The following EYS variants were observed in gnomAD, a reference collection of about 807,000 sequenced individuals.
EYS encodes the protein EGF-like photoreceptor maintenance factor.
A neutral mutation model predicts 282.1 loss-of-function variants in EYS; 250 were observed. The observed-to-expected ratio is 0.89, with a 90% confidence interval of 0.80 to 0.98. EYS has a LOEUF of 0.98. EYS is among the 50% of genes least tolerant of loss of function. The pLI is 0.00. For synonymous variants in EYS, 1,355 were observed against 1,282.9 expected (o/e 1.06, Z -1.20); for missense variants, 4,016 against 3,709.0 (o/e 1.08, Z -2.15).
chr6:63,965,027 G>A (rs545640265), intron 35 of EYS, among the ~76,000 whole-genome samples: 5 of 152,064 alleles, frequency 3.3e-5, no homozygotes, highest in Non-Finnish European at 7.4e-5. Context: ...TACTTATATC[G>A]TTCTTTGATT....
At chr6:65,459,617 A>G (rs941966673) in intron 5 of EYS, among the ~76,000 whole-genome samples, 3 of 150,680 alleles carry the variant, frequency 2.0e-5, no homozygotes, top group African/African-American at 7.2e-5. Flanking sequence ...TGCTAAGGCA[A>G]GAAGTGCCTG....
intron 12 of EYS, among the ~76,000 whole-genome samples, chr6:65,129,371 G>C (rs1428590769): frequency 1.3e-5 from 2 of 151,824 alleles, no homozygotes; most frequent in African/African-American, 4.8e-5. Context: ...ATTCTCAATA[G>C]AATAAATAGA....
rs202002815 is a variant in EYS at position 63,905,844 on chromosome 6, CAGTT to C, written c.7056-41490_7056-41487del. Reference sequence around the variant, plus strand: ...ATTCTGCTCAGAAATAATTTTGTGTCAGTTGTCTCTCCTACTCCTATCCCCGTTA... The same window carrying C: ...ATTCTGCTCAGAAATAATTTTGTGTCGTCTCTCCTACTCCTATCCCCGTTA... On this transcript the variant is annotated intron_variant, in intron 35 of 42. Coordinates refer to ENST00000503581, the MANE Select transcript of EYS (RefSeq NM_001142800.2). 5.3e-4 allele frequency among the ~76,000 whole-genome samples: 81 copies of C among 152,252 alleles called. No individual in the cohort carries two copies. In the East Asian group the frequency reaches 0.015, roughly 28 times the overall value.
At chr6:64,431,623 T>C (rs1308074084) in intron 28 of EYS, among the ~76,000 whole-genome samples, 1 of 152,102 alleles carries the variant, frequency 6.6e-6, no homozygotes, top group Non-Finnish European at 1.5e-5. Context: ...TGATTATTTA[T>C]CTGATCTCTT....
At chr6:64,812,813 C>T (rs1008820157) in intron 22 of EYS, among the ~76,000 whole-genome samples, 1 of 151,844 alleles carries the variant, frequency 6.6e-6, no homozygotes, top group Non-Finnish European at 1.5e-5. Flanking sequence ...ACTAAATTCT[C>T]AAATGACCAA....
At chr6:65,430,104 C>CA (rs1246774762) in intron 5 of EYS, among the ~76,000 whole-genome samples, 3 of 152,100 alleles carry the variant, frequency 2.0e-5, no homozygotes, top group South Asian at 4.1e-4. Context: ...AGAGGTAGAG[C>CA]AAGATGGCAG....
rs377420815 is a variant in EYS at position 64,887,466 on chromosome 6, A to G, written c.2847-624T>C. Among the ~76,000 whole-genome samples the G allele has an allele frequency of 2.6e-5, 4 of 152,096 alleles. No individual in the cohort carries two copies. In the East Asian group the frequency reaches 5.8e-4, roughly 22 times the overall value. Reference sequence around the variant, plus strand: ...AAACAAAAAAAAAGAAATAATTTCCAAAGGAGATATTAAACTGATCGAAAC... The same window carrying G: ...AAACAAAAAAAAAGAAATAATTTCCGAAGGAGATATTAAACTGATCGAAAC... On this transcript the variant is annotated intron_variant, in intron 18 of 42. Coordinates refer to ENST00000503581, the MANE Select transcript of EYS (RefSeq NM_001142800.2).
chr6:63,871,849 C>T (rs960252461), intron 35 of EYS, among the ~76,000 whole-genome samples: 8 of 152,184 alleles, frequency 5.3e-5, no homozygotes, highest in South Asian at 2.1e-4. Flanking sequence ...CTAGCTCTGC[C>T]GTTCTTTCCT....
At chr6:64,830,648 G>T (rs34210185) in intron 19 of EYS, among the ~76,000 whole-genome samples, 15 of 151,714 alleles carry the variant, frequency 9.9e-5, no homozygotes, top group African/African-American at 3.6e-4. Flanking sequence ...ACAGAAATTG[G>T]AGTTCTTCCC....
chr6:63,767,899 A>C (rs898091438), intron 40 of EYS, among the ~76,000 whole-genome samples: 1 of 152,112 alleles, frequency 6.6e-6, no homozygotes, highest in Non-Finnish European at 1.5e-5. Context: ...GGAACTGGAC[A>C]GAGAACATAG....
At chr6:63,993,565 A>G (rs566684698) in intron 34 of EYS, among the ~76,000 whole-genome samples, 3 of 151,990 alleles carry the variant, frequency 2.0e-5, no homozygotes, top group African/African-American at 7.2e-5. Context: ...AATTTTATCT[A>G]TAATACATGA....
At chr6:64,777,676 A>G (rs1773720854) in intron 22 of EYS, among the ~76,000 whole-genome samples, 2 of 152,146 alleles carry the variant, frequency 1.3e-5, no homozygotes, top group Non-Finnish European at 2.9e-5. Context: ...ATGTAATAAA[A>G]TGTTTGCAAA....
At chr6:63,726,242 A>C (rs186732245) in intron 42 of EYS, among the ~76,000 whole-genome samples, 2 of 152,140 alleles carry the variant, frequency 1.3e-5, no homozygotes, top group South Asian at 4.1e-4. Flanking sequence ...ACATAGTACT[A>C]TCGTGCATGG....
chr6:65,526,731 G>A (rs1470361541), intron 2 of EYS, among the ~76,000 whole-genome samples: 3 of 152,136 alleles, frequency 2.0e-5, no homozygotes, highest in Non-Finnish European at 4.4e-5. Flanking sequence ...GCGTGAACTC[G>A]GAAGGCGAAG....
At chr6:64,993,380 T>C (rs1051093541) in intron 14 of EYS, among the ~76,000 whole-genome samples, 1 of 151,910 alleles carries the variant, frequency 6.6e-6, no homozygotes, top group Non-Finnish European at 1.5e-5. Context: ...ATATACACCA[T>C]GGACTACTAC....
intron 5 of EYS, among the ~76,000 whole-genome samples, chr6:65,452,281 A>G (rs570565534): frequency 1.3e-5 from 2 of 151,814 alleles, no homozygotes; most frequent in Non-Finnish European, 2.9e-5. Context: ...TTTGATTTTA[A>G]TAAAACATGA....
chr6:64,986,495 C>T (rs1330301381), intron 14 of EYS, among the ~76,000 whole-genome samples: 1 of 38,366 alleles, frequency 2.6e-5, no homozygotes, highest in African/African-American at 1.1e-4. Context: ...AAAGGCAGTC[C>T]TATGCAATTT....
intron 36 of EYS, 89 bp downstream of exon 36, chr6:63,864,097 C>G: frequency 8.2e-7 from 1 of 1,223,652 alleles, no homozygotes; most frequent in Non-Finnish European, 1.1e-6. Flanking sequence ...TTTGATCAGT[C>G]AAGTGCTATC....
chr6:64,773,740 T>G (rs958653470), intron 22 of EYS, among the ~76,000 whole-genome samples: 15 of 152,040 alleles, frequency 9.9e-5, no homozygotes, highest in African/African-American at 3.6e-4. Context: ...TGTTGAGTAT[T>G]TTTTCATATG....
Sources: gnomAD v4.1 joint callset for allele counts (sites outside exome capture counted in the v4.1 genomes callset) on GRCh38, gnomAD v4.1.1 for gene constraint, MANE v1.5 for transcripts, NCBI Gene and HGNC (gene_info 2026-07-23, HGNC 2026-07-21) for gene names.